TBC1D9B: variants seen among roughly 807,000 people sequenced by gnomAD.
TBC1D9B encodes the protein TBC1 domain family member 9B.
In TBC1D9B, 87 loss-of-function variants were observed where a neutral mutation model predicts 121.1. The ratio of observed to expected loss-of-function variants is 0.72; its 90% CI spans 0.60 to 0.86. The LOEUF (loss-of-function observed/expected upper bound fraction) is 0.86. TBC1D9B is among the 40% of genes least tolerant of loss of function. The probability of loss-of-function intolerance (pLI) is 0.00; values close to 1 mark genes in which losing one functional copy is unlikely to be tolerated. For missense variants in TBC1D9B, 1,540 were observed against 1,628.6 expected, an observed-to-expected ratio of 0.95 and a Z score of 0.94; for synonymous variants, 668 against 670.1, an observed-to-expected ratio of 1.00 and a Z score of 0.05.
At chr5:179,899,921 A>G (rs575480054) in intron 2 of TBC1D9B, among the ~76,000 whole-genome samples, 1 of 152,050 alleles carries the variant, frequency 6.6e-6, no homozygotes, top group East Asian at 1.9e-4. Context: ...CATAGGCCCA[A>G]CGGAAATTAA....
intron 1 of TBC1D9B, among the ~76,000 whole-genome samples, chr5:179,905,621 T>G (rs1021910734): frequency 1.3e-5 from 2 of 152,236 alleles, no homozygotes; most frequent in African/African-American, 4.8e-5. Context: ...TGCTTTTATA[T>G]TTTAGGTAAT....
rs1760830478 is a variant in TBC1D9B, at chr5:179,890,445, G to A, written c.1044+934C>T. Among the ~76,000 whole-genome samples, 2 of 152,196 alleles carry A rather than the reference G, an allele frequency of 1.3e-5. No individual in the cohort carries two copies. Among genetic ancestry groups the A allele is most frequent in the African/African-American group, 4.8e-5 (2 of 41,444 alleles). The stretch of plus-strand genomic sequence containing the variant: ...GTACAGTGCCCCGGACAGATCCACA[G>A]GGCCCTGGTGCTAACAGAATGTGGG... On this transcript the variant is annotated intron_variant, in intron 6 of 20. Coordinates refer to ENST00000355235, the MANE Select transcript of TBC1D9B (RefSeq NM_015043.4). The surrounding 1 kb of genome is among the most constrained non-coding windows in gnomAD (Gnocchi z 5.0).
rs965010895 is a variant in TBC1D9B, at chr5:179,865,079, C to T, written c.3021+175G>A. 7.2e-5 allele frequency among the ~76,000 whole-genome samples: 11 copies of T among 152,218 alleles called. No homozygotes were observed. Among genetic ancestry groups the T allele is most frequent in the Non-Finnish European group, 1.2e-4 (8 of 68,046 alleles). On this transcript the variant is annotated intron_variant, in intron 20 of 20. Coordinates refer to ENST00000355235, the MANE Select transcript of TBC1D9B (RefSeq NM_015043.4). This position sits in a 1 kb window ranked among gnomAD's most constrained non-coding sequence, Gnocchi z 5.1. ...CTATACAAGGCCCTGGAGCAACTGG[C>T]CTCTTGTCTTTCTGGAATCATCGCT...
intron 2 of TBC1D9B, among the ~76,000 whole-genome samples, chr5:179,903,509 G>A (rs1227891769): frequency 1.3e-5 from 2 of 152,196 alleles, no homozygotes; most frequent in Admixed American, 6.5e-5. Context: ...CTGAGTTAGC[G>A]AATCCTGAAC....
Position 179,899,252 on chromosome 5 carries a change from G to C in TBC1D9B, c.285C>G (p.Leu95=), listed in dbSNP as rs764060102. The C allele has an allele frequency of 6.2e-7, 1 of 1,614,148 alleles. No homozygotes were observed. ...CACTGTCGAAGATGGACAGTGTCTG[G>C]AGCAAGTTATTTTCCAGCCATTCCC... ...KHWEWLENNL[L]QTLSIFDSEE... is the part of the protein sequence containing the mutation. Residue 95 remains leucine (L), a synonymous_variant, in exon 3 of 21, where the codon CTC becomes CTG. Coordinates refer to ENST00000355235, the MANE Select transcript of TBC1D9B (RefSeq NM_015043.4).
chr5:179,886,053 T>C (rs948723667), intron 7 of TBC1D9B, among the ~76,000 whole-genome samples: 3 of 152,172 alleles, frequency 2.0e-5, no homozygotes, highest in African/African-American at 7.2e-5. Flanking sequence ...CTATGGCTAG[T>C]TCCCCTGCTT....
intron 2 of TBC1D9B, among the ~76,000 whole-genome samples, chr5:179,903,879 C>T (rs190166494): frequency 3.9e-5 from 6 of 152,304 alleles, no homozygotes; most frequent in Admixed American, 1.3e-4. Flanking sequence ...AGTATGAGAG[C>T]TGAATCAAGA....
Position 179,891,570 on chromosome 5 carries a change from C to T in TBC1D9B, c.853G>A (p.Ala285Thr), listed in dbSNP as rs1376819983. 1.9e-6 allele frequency: 3 copies of T among 1,613,294 alleles called. No homozygotes were observed. The highest frequency in any genetic ancestry group is 2.2e-5 in the South Asian group (2 of 91,060). Residue 285 changes from alanine to threonine, a missense_variant, in exon 6 of 21, where the codon GCC becomes ACC. Transcript: ENST00000355235. The surrounding 1 kb of genome is among the most constrained non-coding windows in gnomAD (Gnocchi z 4.3). ...GTGGCTCGGTAGCACTCATTCTTGG[C>T]TCGGGCGTCCAGGTCTCTGGGGAAA... ...SALKRDLDAR[A>T]KNECYRATFR...
intron 10 of TBC1D9B, among the ~76,000 whole-genome samples, chr5:179,877,204 G>A (rs897076938): frequency 1.1e-4 from 16 of 151,332 alleles, no homozygotes; most frequent in African/African-American, 3.4e-4. Flanking sequence ...GGGCAAGACA[G>A]TGAGACCCCA....
intron 15 of TBC1D9B, chr5:179,870,733 A>T (rs28325): frequency 5.2e-6 from 3 of 582,356 alleles, no homozygotes; most frequent in South Asian, 2.3e-5. Context: ...TGCAGGGGGC[A>T]GAGCTGGTCT....
At chr5:179,873,827 T>C (rs1171278603) in intron 12 of TBC1D9B, among the ~76,000 whole-genome samples, 2 of 151,980 alleles carry the variant, frequency 1.3e-5, no homozygotes, top group Non-Finnish European at 2.9e-5. Flanking sequence ...GGTAGCTGAC[T>C]CCCCATGCCC....
At chr5:179,873,379 C>T (rs1367054943) in intron 12 of TBC1D9B, 131 bp from the exon 13 acceptor site, 2 of 1,354,928 alleles carry the variant, frequency 1.5e-6, no homozygotes, top group African/African-American at 2.9e-5. Flanking sequence ...GGACTGGGCA[C>T]CCTGCAGGAG....
chr5:179,883,118 C>A (rs1760585970), intron 7 of TBC1D9B, among the ~76,000 whole-genome samples: 1 of 152,196 alleles, frequency 6.6e-6, no homozygotes, highest in South Asian at 2.1e-4. Flanking sequence ...TTCAGCCTCC[C>A]AAAGTGCTGG....
At chr5:179,889,380 G>C (rs916688761) in intron 6 of TBC1D9B, among the ~76,000 whole-genome samples, 1 of 152,116 alleles carries the variant, frequency 6.6e-6, no homozygotes, top group Non-Finnish European at 1.5e-5. Context: ...GGTGTGCCTG[G>C]GCGCAGGTCT....
intron 18 of TBC1D9B, chr5:179,866,997 G>T (rs1411425065): frequency 5.9e-6 from 1 of 170,562 alleles, no homozygotes; most frequent in Non-Finnish European, 1.3e-5. Flanking sequence ...TTTAAACATA[G>T]CACAGGGATG....
rs1374326465 is a variant in TBC1D9B at position 179,876,011 on chromosome 5, G to A, written c.1809C>T (p.Leu603=). The change falls in exon 11 of 21, where the codon CTC becomes CTT. Residue 603 remains leucine (L), a synonymous_variant. Coordinates refer to ENST00000355235, the MANE Select transcript of TBC1D9B (RefSeq NM_015043.4). ...CQAMNIVTSV[L]LLYGSEEEAF... ...CCTCCTCCTCACTGCCATAGAGCAG[G>A]AGCACCGAGGTCACGATGTTCATTG... 6.2e-6 allele frequency: 10 copies of A among 1,612,658 alleles called. No individual in the cohort carries two copies. The highest frequency in any genetic ancestry group is 8.5e-6 in the Non-Finnish European group (10 of 1,179,618).
rs1476964616 is a variant in TBC1D9B at position 179,863,379 on chromosome 5, G to A, written c.*69C>T. The stretch of plus-strand genomic sequence containing the variant: ...CCTTTAAAGAGAAACTGATAAGGGA[G>A]GAAAGGCAGGAGGAGATGAGGCCAG... On this transcript the variant is annotated 3_prime_UTR_variant, in exon 21 of 21. Coordinates refer to ENST00000355235, the MANE Select transcript of TBC1D9B (RefSeq NM_015043.4). This position sits in a 1 kb window ranked among gnomAD's most constrained non-coding sequence, Gnocchi z 4.5. 4 of 1,522,800 alleles carry A rather than the reference G, an allele frequency of 2.6e-6. No homozygotes were observed. The African/African-American group carries it at 5.5e-5, about 21-fold the overall frequency. 94.3% of individuals were successfully genotyped at this position (1,522,800 alleles called of 1,614,324 possible).
chr5:179,904,515 G>A lies in TBC1D9B; in HGVS notation c.229+187C>T, dbSNP rs995749312. 1.8e-4 allele frequency among the ~76,000 whole-genome samples: 28 copies of A among 152,212 alleles called. No individual in the cohort carries two copies. The highest frequency in any genetic ancestry group is 5.3e-4 in the African/African-American group (22 of 41,534). ...GCTGGGATTACAGACGTGAGCCACCGCACCGGGCCACGGAGCTGCCTTTCT... is the reference window on the plus strand; with the variant it reads ...GCTGGGATTACAGACGTGAGCCACCACACCGGGCCACGGAGCTGCCTTTCT... On this transcript the variant is annotated intron_variant, in intron 2 of 20. Coordinates refer to ENST00000355235, the MANE Select transcript of TBC1D9B (RefSeq NM_015043.4). The surrounding 1 kb of genome is among the most constrained non-coding windows in gnomAD (Gnocchi z 4.2).
At chr5:179,886,385 G>A (rs938763830) in intron 7 of TBC1D9B, among the ~76,000 whole-genome samples, 4 of 152,134 alleles carry the variant, frequency 2.6e-5, no homozygotes, top group East Asian at 1.9e-4. Flanking sequence ...GGGAGGGGCC[G>A]TGAGTGGTGC....
Sources: gnomAD v4.1 joint callset for allele counts (sites outside exome capture counted in the v4.1 genomes callset) on GRCh38, gnomAD v4.1.1 for gene constraint, Gnocchi (gnomAD v3.1) non-coding constraint, MANE v1.5 for transcripts, NCBI Gene and HGNC (gene_info 2026-07-23, HGNC 2026-07-21) for gene names.